The following CCDC66 variants were observed in gnomAD, a reference collection of about 807,000 sequenced individuals.
CCDC66 encodes the protein coiled-coil domain containing 66.
A neutral mutation model predicts 128.3 loss-of-function variants in CCDC66; 133 were observed. The observed-to-expected ratio is 1.04, with a 90% CI of 0.90 to 1.20. The LOEUF (loss-of-function observed/expected upper bound fraction) is 1.20, where lower values mean the gene tolerates loss of function less well. Ranked by LOEUF, CCDC66 falls within the 50% of genes most tolerant of loss-of-function variation. The probability of loss-of-function intolerance (pLI) is 0.00; values close to 1 mark genes in which losing one functional copy is unlikely to be tolerated. For synonymous variants in CCDC66, 387 were observed against 357.0 expected (o/e 1.08, Z -0.95); for missense variants, 1,126 against 1,075.5 (o/e 1.05, Z -0.66).
intron 10 of CCDC66, among the ~76,000 whole-genome samples, chr3:56,603,286 A>G (rs1373361399): frequency 4.0e-5 from 6 of 151,808 alleles, no homozygotes; most frequent in Admixed American, 3.9e-4. Context: ...TGTATCTCCT[A>G]CAGTTCTGCT....
At chr3:56,597,095 T>C (rs1360003455) in intron 10 of CCDC66, among the ~76,000 whole-genome samples, 3 of 151,894 alleles carry the variant, frequency 2.0e-5, no homozygotes, top group African/African-American at 7.3e-5. Context: ...GAGATGGGGC[T>C]CCAATTTCAT....
At chr3:56,568,878 C>T (rs141654360) in intron 6 of CCDC66, among the ~76,000 whole-genome samples, 1,852 of 152,264 alleles carry the variant, frequency 0.012, 46 homozygotes, top group African/African-American at 0.042. Context: ...ATTACTTCTT[C>T]GACTAAACTT....
At chr3:56,607,450 G>A (rs544727226) in intron 10 of CCDC66, among the ~76,000 whole-genome samples, 1 of 152,106 alleles carries the variant, frequency 6.6e-6, no homozygotes, top group Non-Finnish European at 1.5e-5. Flanking sequence ...GGTCGCTGTT[G>A]GTATATAGAA....
intron 8 of CCDC66, 28 bp from the exon 9 acceptor site, chr3:56,593,463 C>T: frequency 1.2e-6 from 2 of 1,602,012 alleles, no homozygotes; most frequent in Non-Finnish European, 1.7e-6. Context: ...TGGAAAAATT[C>T]TTAGCAATTC....
At chr3:56,612,557 G>C (rs2074988124) in intron 10 of CCDC66, among the ~76,000 whole-genome samples, 1 of 152,100 alleles carries the variant, frequency 6.6e-6, no homozygotes, top group Non-Finnish European at 1.5e-5. Flanking sequence ...GGGTGAGTAG[G>C]TTTTCAAGCC....
chr3:56,614,617 A>G (rs2075270717), intron 11 of CCDC66, among the ~76,000 whole-genome samples: 1 of 152,172 alleles, frequency 6.6e-6, no homozygotes, highest in African/African-American at 2.4e-5. Flanking sequence ...CTCACTTGCT[A>G]AAGTTTTAAA....
chr3:56,586,918 T>G (rs2069872360), intron 7 of CCDC66, among the ~76,000 whole-genome samples: 1 of 151,628 alleles, frequency 6.6e-6, no homozygotes. Context: ...TAGCCGAGCA[T>G]GGTGGGATGT....
At chr3:56,588,316 G>T (rs958994209) in intron 7 of CCDC66, among the ~76,000 whole-genome samples, 1 of 152,138 alleles carries the variant, frequency 6.6e-6, no homozygotes, top group Non-Finnish European at 1.5e-5. Context: ...AGGCTGGGAG[G>T]GGGCTGAGGG....
rs947545684 is a variant in CCDC66 at position 56,585,207 on chromosome 3, A to C, written c.937-7763A>C. Among the ~76,000 whole-genome samples the C allele has an allele frequency of 2.2e-4, 33 of 151,828 alleles. 1 individual carries two copies. Among genetic ancestry groups the C allele is most frequent in the Non-Finnish European group, 7.3e-5 (5 of 68,028 alleles). On this transcript the variant is annotated intron_variant, in intron 7 of 17. Coordinates refer to ENST00000394672, the MANE Select transcript of CCDC66 (RefSeq NM_001141947.3). ...ATTCACTCAGTTTTTATCTACTCATATCTTAAGGAATTGAAGTGGTCCAGG... is the reference window on the plus strand; with the variant it reads ...ATTCACTCAGTTTTTATCTACTCATCTCTTAAGGAATTGAAGTGGTCCAGG...
intron 12 of CCDC66, 137 bp from the exon 13 acceptor site, chr3:56,615,785 G>A: frequency 1.7e-6 from 1 of 576,658 alleles, no homozygotes; most frequent in Admixed American, 3.9e-5. Flanking sequence ...ATAGGAATGT[G>A]GGTACTTTTT....
rs776278779 is a variant in CCDC66 at position 56,619,516 on chromosome 3, A to C, written c.2624A>C (p.Gln875Pro). ...CCTTCAACCCAGGACCCTCAGTACC[A>C]AAATTCACAAGGTAAGTAAATATTA... Reference protein sequence around the residue: ...SGPSTQDPQYQNSQDCGQKRQ... With the variant: ...SGPSTQDPQYPNSQDCGQKRQ... Residue 875 changes from glutamine (Q) to proline (P), a missense_variant, in exon 16 of 18, where the codon CAA becomes CCA. Gln to Pro is a moderately conservative substitution (Grantham distance 76). Transcript: ENST00000394672. 5.6e-6 allele frequency: 9 copies of C among 1,606,692 alleles called. No homozygotes were observed. In the South Asian group the frequency reaches 6.7e-5, roughly 12 times the overall value.
At chr3:56,596,168 C>T (rs556243992) in intron 10 of CCDC66, among the ~76,000 whole-genome samples, 1 of 152,336 alleles carries the variant, frequency 6.6e-6, no homozygotes, top group Admixed American at 6.5e-5. Context: ...GTCCTCCAAC[C>T]TCAGCCTCCC....
At chr3:56,570,153 T>A (rs571715780) in intron 6 of CCDC66, 1 of 152,334 alleles carries the variant, frequency 6.6e-6, no homozygotes, top group East Asian at 1.9e-4. Flanking sequence ...TTAATTATTT[T>A]AAAAATCAGT....
chr3:56,583,017 A>T (rs951611732), intron 7 of CCDC66, among the ~76,000 whole-genome samples: 1 of 151,164 alleles, frequency 6.6e-6, no homozygotes, highest in African/African-American at 2.4e-5. Context: ...AGCTGGGACT[A>T]CAGGTACCTG....
chr3:56,619,582 G>A (rs201935153), intron 16 of CCDC66, 55 bp downstream of exon 16: 1 of 370,856 alleles, frequency 2.7e-6, no homozygotes, highest in Non-Finnish European at 3.1e-6. Flanking sequence ...TGTAAACCCC[G>A]TCAACAACTT....
intron 8 of CCDC66, 125 bp downstream of exon 8, chr3:56,593,226 A>G: frequency 1.1e-6 from 1 of 875,884 alleles, no homozygotes; most frequent in East Asian, 2.7e-5. Context: ...ACATTTGCCC[A>G]TGTGAACCTG....
chr3:56,576,515 T>C lies in CCDC66; in HGVS notation c.936+5213T>C, dbSNP rs187743094. Among the ~76,000 whole-genome samples, 70 of 150,928 alleles carry C rather than the reference T, an allele frequency of 4.6e-4. 5 individuals carry two copies. In the East Asian group the frequency reaches 0.014, roughly 30 times the overall value. On this transcript the variant is annotated intron_variant, in intron 7 of 17. Coordinates refer to ENST00000394672, the MANE Select transcript of CCDC66 (RefSeq NM_001141947.3). ...TTGGTGTGCTGCACCCATTAACTCG[T>C]CATTTACATTAGATATACCTCCTAA...
At position 56,561,215 on chromosome 3, in the gene CCDC66, G is replaced by C. The variant is rs1213941948; in HGVS notation, c.102+1621G>C. On this transcript the variant is annotated intron_variant, in intron 3 of 17. Transcript: ENST00000394672. ...TACAGTGGCCTTTATCAAGTTCCTAGATGAAAAGCTGTTTGTAATGGTTGA... is the reference window on the plus strand; with the variant it reads ...TACAGTGGCCTTTATCAAGTTCCTACATGAAAAGCTGTTTGTAATGGTTGA... 4 of 455,762 alleles carry C rather than the reference G, an allele frequency of 8.8e-6. No homozygotes were observed. The East Asian group carries it at 2.8e-4, about 32-fold the overall frequency. 28.2% of individuals were successfully genotyped at this position (455,762 alleles called of 1,614,324 possible).
chr3:56,595,168 A>G (rs2071651640), intron 10 of CCDC66, among the ~76,000 whole-genome samples: 2 of 152,358 alleles, frequency 1.3e-5, no homozygotes, highest in South Asian at 2.1e-4. Flanking sequence ...ATATTTTGTT[A>G]TATATGTAGA....
Sources: allele counts gnomAD v4.1 joint callset (sites outside exome capture counted in the v4.1 genomes callset), GRCh38; gene constraint gnomAD v4.1.1; transcripts MANE v1.5; gene names NCBI Gene and HGNC (gene_info 2026-07-23, HGNC 2026-07-21).